The following USP46 variants were observed in gnomAD, a reference collection of about 807,000 sequenced individuals.
The protein encoded by USP46 is ubiquitin carboxyl-terminal hydrolase 46.
In USP46, 12 loss-of-function variants were observed where a neutral mutation model predicts 44.4. That is an observed-to-expected ratio of 0.27 (90% CI 0.17 to 0.44). The LOEUF (loss-of-function observed/expected upper bound fraction) is 0.44, where lower values mean the gene tolerates loss of function less well. USP46 is among the 20% of genes least tolerant of loss of function. The pLI, the probability that USP46 is intolerant of heterozygous loss-of-function variation, is 1.00. For missense variants in USP46, 248 were observed against 444.8 expected (o/e 0.56, Z 3.98); for synonymous variants, 155 against 161.5 (o/e 0.96, Z 0.31).
Position 52,644,737 on chromosome 4 carries a change from T to TAAAA in USP46, c.37-13597_37-13594dup, listed in dbSNP as rs781627890. The stretch of plus-strand genomic sequence containing the variant: ...ACCGCTATCTTACATGATATTGAAT[T>TAAAA]AAAAAAAAAAAAAAAAAAAAACCTC... On this transcript the variant is annotated intron_variant, in intron 1 of 8. Coordinates refer to ENST00000441222, the MANE Select transcript of USP46 (RefSeq NM_022832.4). Among the ~76,000 whole-genome samples, 16 of 108,410 alleles carry TAAAA rather than the reference T, an allele frequency of 1.5e-4. No individual in the cohort carries two copies. The East Asian group carries it at 2.9e-3, about 20-fold the overall frequency. 71.1% of individuals were successfully genotyped at this position (108,410 alleles called of 152,430 possible). A position where few individuals can be genotyped will look rare whatever the true frequency, so the allele number is the denominator to read the frequency against.
Position 52,632,294 on chromosome 4 carries a change from T to C in USP46, c.37-1150A>G, listed in dbSNP as rs188935918. Among the ~76,000 whole-genome samples, 4 of 152,274 alleles carry C rather than the reference T, an allele frequency of 2.6e-5. No individual in the cohort carries two copies. In the East Asian group the frequency reaches 5.8e-4, roughly 22 times the overall value. ...CCACTAAGGGTCAGTTACTGGCAAATGATTATCAGCACTCCCTAAGACCTG... is the reference window on the plus strand; with the variant it reads ...CCACTAAGGGTCAGTTACTGGCAAACGATTATCAGCACTCCCTAAGACCTG... On this transcript the variant is annotated intron_variant, in intron 1 of 8. Transcript: ENST00000441222.
At chr4:52,632,017 AGGGAAG>A (rs142747239) in intron 1 of USP46, among the ~76,000 whole-genome samples, 5,600 of 145,906 alleles carry the variant, frequency 0.038, 164 homozygotes, top group Middle Eastern at 0.094. Flanking sequence ...AGGGAAGGCA[AGGGAAG>A]GGGAAGGGGA....
chr4:52,652,988 G>A (rs1718822311), intron 1 of USP46, among the ~76,000 whole-genome samples: 1 of 152,108 alleles, frequency 6.6e-6, no homozygotes, highest in South Asian at 2.1e-4. Flanking sequence ...AGGAAGAAAA[G>A]GAAGGTTGGC....
At chr4:52,645,852 A>C (rs1479094989) in intron 1 of USP46, among the ~76,000 whole-genome samples, 1 of 152,072 alleles carries the variant, frequency 6.6e-6, no homozygotes, top group East Asian at 1.9e-4. Context: ...CGCTGTTCTC[A>C]TGATAGTGAG....
At chr4:52,641,760 T>C (rs1718351408) in intron 1 of USP46, among the ~76,000 whole-genome samples, 1 of 152,196 alleles carries the variant, frequency 6.6e-6, no homozygotes, top group Non-Finnish European at 1.5e-5. Context: ...TTGCCCAAGA[T>C]CTTTCTAAGG....
chr4:52,612,423 AC>A (rs1716970197), intron 4 of USP46, among the ~76,000 whole-genome samples: 1 of 152,114 alleles, frequency 6.6e-6, no homozygotes, highest in African/African-American at 2.4e-5. Flanking sequence ...CTTCACAGAT[AC>A]TCTCATCAAG....
At chr4:52,658,953 G>C (rs1003688884) in intron 1 of USP46, among the ~76,000 whole-genome samples, 162 bp downstream of exon 1, 6 of 151,710 alleles carry the variant, frequency 4.0e-5, no homozygotes, top group Non-Finnish European at 8.8e-5. Context: ...CGGCCGCTGA[G>C]GTGGCTGCGG....
rs1459239532 is a variant in USP46, at chr4:52,594,867, G to A, written c.*2773C>T. The A allele has an allele frequency of 6.6e-6, 1 of 152,092 alleles. No individual in the cohort carries two copies. The highest frequency in any genetic ancestry group is 2.4e-5 in the African/African-American group (1 of 41,416). 9.4% of individuals were successfully genotyped at this position (152,092 alleles called of 1,614,324 possible). On this transcript the variant is annotated 3_prime_UTR_variant, in exon 9 of 9. Transcript: ENST00000441222. ...CTTGTGTTGTGCCTCACTCTCTTTA[G>A]ACCAGTCCATTTCCTATGACCACAG... is the stretch of plus-strand genomic sequence containing the variant.
chr4:52,600,542 C>T (rs1180748265), intron 7 of USP46, among the ~76,000 whole-genome samples: 1 of 152,180 alleles, frequency 6.6e-6, no homozygotes, highest in Non-Finnish European at 1.5e-5. Context: ...ATTACAGAAA[C>T]TGACCTTAGA....
rs1233555301 is a variant in USP46 at position 52,592,998 on chromosome 4, G to A, written c.*4642C>T. On this transcript the variant is annotated 3_prime_UTR_variant, in exon 9 of 9. Transcript: ENST00000441222. ...AAGCCTGTACAGCCCATAAAACCAT[G>A]AGCCAATTAAACCTCTTTTCTTCAG... The A allele has an allele frequency of 2.5e-6, 1 of 398,364 alleles. No homozygotes were observed. Among genetic ancestry groups the A allele is most frequent in the East Asian group, 3.6e-5 (1 of 28,070 alleles). The allele number at this position is 398,364 out of a possible 1,614,324, so 24.7% of individuals were successfully genotyped here. A position where few individuals can be genotyped will look rare whatever the true frequency, so the allele number is the denominator to read the frequency against.
intron 4 of USP46, among the ~76,000 whole-genome samples, chr4:52,620,663 C>T (rs1035308498): frequency 2.0e-5 from 3 of 152,168 alleles, no homozygotes; most frequent in East Asian, 1.9e-4. Flanking sequence ...TGAAAGCACT[C>T]GCTCATATAC....
At chr4:52,619,807 C>T (rs946431860) in intron 4 of USP46, among the ~76,000 whole-genome samples, 16 of 152,006 alleles carry the variant, frequency 1.1e-4, no homozygotes, top group African/African-American at 3.4e-4. Context: ...GGACTCAGCA[C>T]TGGTAGAAAA....
intron 2 of USP46, among the ~76,000 whole-genome samples, chr4:52,629,162 G>A (rs993044250): frequency 1.6e-4 from 24 of 152,342 alleles, no homozygotes; most frequent in African/African-American, 3.4e-4. Context: ...CTTGTGTGTC[G>A]TTTACCCAAG....
intron 4 of USP46, among the ~76,000 whole-genome samples, chr4:52,621,657 C>A (rs142812600): frequency 3.0e-4 from 46 of 151,000 alleles, no homozygotes; most frequent in Non-Finnish European, 5.6e-4. Context: ...GTCTGTCTCA[C>A]ACACATAAAA....
At chr4:52,614,747 T>C (rs1163926102) in intron 4 of USP46, among the ~76,000 whole-genome samples, 1 of 152,234 alleles carries the variant, frequency 6.6e-6, no homozygotes, top group Non-Finnish European at 1.5e-5. Context: ...ACTTTTTTCC[T>C]CTTAATTTTT....
At chr4:52,648,488 C>T (rs1461273654) in intron 1 of USP46, among the ~76,000 whole-genome samples, 5 of 152,112 alleles carry the variant, frequency 3.3e-5, no homozygotes, top group African/African-American at 9.7e-5. Flanking sequence ...TTAAGGAAAA[C>T]TAAGTAAATA....
chr4:52,624,472 C>G (rs1420276262), intron 4 of USP46, among the ~76,000 whole-genome samples: 1 of 152,134 alleles, frequency 6.6e-6, no homozygotes, highest in Non-Finnish European at 1.5e-5. Context: ...CTTTTAGTCT[C>G]TTTTTGTTTA....
Position 52,600,898 on chromosome 4 carries a change from T to C in USP46, c.920+959A>G, listed in dbSNP as rs905664048. ...CTGGCATATAACTAGCCAATAAATA[T>C]CATTTTACTGAGAATACAAGAAAAT... On this transcript the variant is annotated intron_variant, in intron 7 of 8. Transcript: ENST00000441222. Among the ~76,000 whole-genome samples the C allele has an allele frequency of 3.3e-5, 5 of 152,270 alleles. No homozygotes were observed. In the South Asian group the frequency reaches 1.0e-3, roughly 32 times the overall value.
At chr4:52,621,435 C>A (rs543203224) in intron 4 of USP46, among the ~76,000 whole-genome samples, 1 of 152,258 alleles carries the variant, frequency 6.6e-6, no homozygotes, top group South Asian at 2.1e-4. Context: ...GTGGGCAGAT[C>A]ACCTGAGGTC....
Sources: gnomAD v4.1 joint callset for allele counts (sites outside exome capture counted in the v4.1 genomes callset) on GRCh38, gnomAD v4.1.1 for gene constraint, MANE v1.5 for transcripts, NCBI Gene and HGNC (gene_info 2026-07-23, HGNC 2026-07-21) for gene names.